The following ADGRB3 variants were observed in gnomAD, a reference collection of about 807,000 sequenced individuals.
ADGRB3 encodes the protein brain-specific angiogenesis inhibitor 3.
ADGRB3 carries 37 observed loss-of-function variants against 193.4 expected under a neutral mutation model. The observed-to-expected ratio is 0.19, with a 90% confidence interval of 0.15 to 0.25. The LOEUF is 0.25. Among genes scored for constraint, ADGRB3 ranks in the 10% least tolerant of loss-of-function variants. The probability of loss-of-function intolerance (pLI) is 1.00; values close to 1 mark genes in which losing one functional copy is unlikely to be tolerated. For missense variants in ADGRB3, 1,637 were observed against 1,852.9 expected (o/e 0.88, Z 2.14); for synonymous variants, 690 against 644.2 (o/e 1.07, Z -1.08).
At chr6:68,770,916 GT>G (rs1766604832) in intron 3 of ADGRB3, among the ~76,000 whole-genome samples, 1 of 152,074 alleles carries the variant, frequency 6.6e-6, no homozygotes, top group African/African-American at 2.4e-5. Flanking sequence ...ATATTTATGA[GT>G]TCCTTATTAG....
chr6:68,850,893 T>A (rs996490585), intron 3 of ADGRB3, among the ~76,000 whole-genome samples: 2 of 152,048 alleles, frequency 1.3e-5, no homozygotes, highest in African/African-American at 4.8e-5. Context: ...ATATTGATCC[T>A]CAACTTGTGT....
intron 17 of ADGRB3, among the ~76,000 whole-genome samples, chr6:69,230,905 G>C (rs1766120914): frequency 6.6e-6 from 1 of 152,180 alleles, no homozygotes; most frequent in South Asian, 2.1e-4. Context: ...GCTATTGTAT[G>C]TTAGTTTAAT....
chr6:68,897,491 GAGGGAGGGAAGAGGAAGGA>G (rs1766256310), intron 3 of ADGRB3, among the ~76,000 whole-genome samples: 1 of 99,450 alleles, frequency 1.0e-5, no homozygotes, highest in East Asian at 3.1e-4. Flanking sequence ...TGGAGGAAGG[GAGGGAGGGAAGAGGAAGGA>G]AGGAAGGGAG....
At chr6:69,284,276 C>T (rs561886969) in intron 20 of ADGRB3, among the ~76,000 whole-genome samples, 8 of 152,072 alleles carry the variant, frequency 5.3e-5, no homozygotes, top group African/African-American at 1.4e-4. Context: ...CACCTTGATG[C>T]GTACACTTTG....
intron 17 of ADGRB3, among the ~76,000 whole-genome samples, chr6:69,112,134 G>C (rs1773383098): frequency 6.6e-6 from 1 of 152,146 alleles, no homozygotes; most frequent in South Asian, 2.1e-4. Flanking sequence ...GCATAGGCAG[G>C]CCGTCCAGAG....
chr6:69,365,803 T>C (rs1341310978), intron 29 of ADGRB3, among the ~76,000 whole-genome samples: 1 of 152,050 alleles, frequency 6.6e-6, no homozygotes, highest in Non-Finnish European at 1.5e-5. Context: ...AGCATAATGG[T>C]TTTTAAAGGT....
At chr6:68,676,443 C>A in intron 3 of ADGRB3, among the ~76,000 whole-genome samples, 1 of 148,142 alleles carries the variant, frequency 6.8e-6, no homozygotes, top group East Asian at 2.0e-4. Flanking sequence ...AAGTTGACTT[C>A]AAAAATTTGG....
intron 8 of ADGRB3, among the ~76,000 whole-genome samples, chr6:68,968,205 G>A (rs941152797): frequency 6.6e-6 from 1 of 152,028 alleles, no homozygotes; most frequent in Non-Finnish European, 1.5e-5. Context: ...AGATTCCGCA[G>A]CCGGCCCAGT....
At chr6:68,864,970 T>C (rs371961994) in intron 3 of ADGRB3, among the ~76,000 whole-genome samples, 22 of 152,330 alleles carry the variant, frequency 1.4e-4, no homozygotes, top group African/African-American at 5.1e-4. Context: ...ACTATATCTC[T>C]TAAATTCTCG....
At position 69,327,746 on chromosome 6, in the gene ADGRB3, T is replaced by C. The variant is rs41273641; in HGVS notation, c.2966-74T>C. Reference sequence around the variant, plus strand: ...ATCTAATTTGAGCACCTGGAGTTTGTTCTGGCTTTTCTTAGACCAGTATGC... The same window carrying C: ...ATCTAATTTGAGCACCTGGAGTTTGCTCTGGCTTTTCTTAGACCAGTATGC... On this transcript the variant is annotated intron_variant, in intron 21 of 31. Coordinates refer to ENST00000370598, the MANE Select transcript of ADGRB3 (RefSeq NM_001704.3). 7,519 of 1,307,118 alleles carry C rather than the reference T, an allele frequency of 5.8e-3. 36 individuals carry two copies. The highest frequency in any genetic ancestry group is 7.3e-3 in the Non-Finnish European group (6,877 of 940,754). The allele number at this position is 1,307,118 out of a possible 1,614,324, so 81.0% of individuals were successfully genotyped here. A position where few individuals can be genotyped will look rare whatever the true frequency, so the allele number is the denominator to read the frequency against.
chr6:68,772,869 AC>A (rs1425961378), intron 3 of ADGRB3, among the ~76,000 whole-genome samples: 1 of 24,176 alleles, frequency 4.1e-5, no homozygotes, highest in African/African-American at 1.5e-4. Flanking sequence ...AAACAAACAA[AC>A]AAACAAACAA....
At chr6:68,746,152 A>G (rs960729072) in intron 3 of ADGRB3, among the ~76,000 whole-genome samples, 18 of 152,040 alleles carry the variant, frequency 1.2e-4, no homozygotes, top group Non-Finnish European at 2.4e-4. Flanking sequence ...TTTCTGGTAT[A>G]CTCTTGCCAA....
intron 3 of ADGRB3, among the ~76,000 whole-genome samples, chr6:68,763,183 C>T (rs1247622090): frequency 9.8e-6 from 1 of 101,930 alleles, no homozygotes; most frequent in Non-Finnish European, 2.3e-5. Flanking sequence ...CTCTGCCTCA[C>T]AGGGTCAAGC....
intron 3 of ADGRB3, among the ~76,000 whole-genome samples, chr6:68,788,138 T>C (rs1214225191): frequency 6.6e-6 from 1 of 152,222 alleles, no homozygotes; most frequent in Non-Finnish European, 1.5e-5. Flanking sequence ...GAAGGGTTTT[T>C]TGTGTCTCTA....
chr6:68,944,519 A>G (rs1290985989), intron 6 of ADGRB3, among the ~76,000 whole-genome samples: 1 of 152,186 alleles, frequency 6.6e-6, no homozygotes, highest in East Asian at 1.9e-4. Flanking sequence ...TGAAGTCTAT[A>G]CAGTCTGTTC....
Position 69,160,239 on chromosome 6 carries a change from C to A in ADGRB3, c.2481-73051C>A, listed in dbSNP as rs182541837. On this transcript the variant is annotated intron_variant, in intron 17 of 31. Coordinates refer to ENST00000370598, the MANE Select transcript of ADGRB3 (RefSeq NM_001704.3). ...CAACACCCTTCCATGTCTTCCCATCCCATGCAGAGAAAAACTTACATTCCT... is the reference window on the plus strand; with the variant it reads ...CAACACCCTTCCATGTCTTCCCATCACATGCAGAGAAAAACTTACATTCCT... Among the ~76,000 whole-genome samples, 5 of 152,216 alleles carry A rather than the reference C, an allele frequency of 3.3e-5. No homozygotes were observed. The East Asian group carries it at 7.7e-4, about 24-fold the overall frequency.
In ADGRB3 at chr6:68,635,718, C is replaced by G. The variant is rs1767931578; in HGVS notation, c.-470C>G. 1 of 152,344 alleles carries G rather than the reference C, an allele frequency of 6.6e-6. No individual in the cohort carries two copies. The highest frequency in any genetic ancestry group is 1.5e-5 in the Non-Finnish European group (1 of 68,200). 9.4% of individuals were successfully genotyped at this position (152,344 alleles called of 1,614,324 possible). ...GGGCTTCTCCCTCCCTTTAGCCCCC[C>G]TCGGTTTGGAGGTTGGATTCAGTTG... On this transcript the variant is annotated 5_prime_UTR_variant, in exon 1 of 32. Coordinates refer to ENST00000370598, the MANE Select transcript of ADGRB3 (RefSeq NM_001704.3).
Position 68,975,240 on chromosome 6 carries a change from C to G in ADGRB3, c.1634C>G (p.Thr545Ser), listed in dbSNP as rs993127010. The G allele has an allele frequency of 6.2e-7, 1 of 1,613,802 alleles. No homozygotes were observed. Among genetic ancestry groups the G allele is most frequent in the African/African-American group, 1.3e-5 (1 of 75,044 alleles). The change falls in exon 10 of 32, where the codon ACT (threonine) becomes AGT (serine). Residue 545 changes from threonine to serine, a missense_variant. Around this residue, in one of 7 missense-constraint regions of ADGRB3, gnomAD observed 641 missense variants for 673.9 expected, o/e 0.95. Coordinates refer to ENST00000370598, the MANE Select transcript of ADGRB3 (RefSeq NM_001704.3). Reference protein sequence around the residue: ...NQCPLNATGTTSRRCSLSLHG... With the variant: ...NQCPLNATGTSSRRCSLSLHG... ...TGTTCTTTGTGACACACAGGCACCA[C>G]TAGCAGACGCTGCTCTCTCAGTCTT...
chr6:68,754,192 C>T (rs1489104606), intron 3 of ADGRB3, among the ~76,000 whole-genome samples: 1 of 152,186 alleles, frequency 6.6e-6, no homozygotes, highest in Non-Finnish European at 1.5e-5. Context: ...CATATTTGAT[C>T]TTCATGTTTA....
Sources: gnomAD v4.1 joint callset for allele counts (sites outside exome capture counted in the v4.1 genomes callset) on GRCh38, gnomAD v4.1.1 for gene constraint, gnomAD v4.1.1 regional missense constraint, MANE v1.5 for transcripts, NCBI Gene and HGNC (gene_info 2026-07-23, HGNC 2026-07-21) for gene names.